RUFY1: variants seen among roughly 807,000 people sequenced by gnomAD.
The protein encoded by RUFY1 is RUN and FYVE domain containing 1.
RUFY1 carries 54 observed loss-of-function variants against 94.6 expected under a neutral mutation model. The ratio of observed to expected loss-of-function variants is 0.57; its 90% CI spans 0.46 to 0.72. RUFY1 has a LOEUF of 0.72. Among genes scored for constraint, RUFY1 ranks in the 30% least tolerant of loss-of-function variants. The probability of loss-of-function intolerance (pLI) is 0.00; values close to 1 mark genes in which losing one functional copy is unlikely to be tolerated. For synonymous variants in RUFY1, 396 were observed against 347.3 expected (o/e 1.14, Z -1.56); for missense variants, 883 against 883.9 (o/e 1.00, Z 0.01).
chr5:179,589,788 G>A (rs746127001), intron 9 of RUFY1, 141 bp downstream of exon 9: 16 of 694,858 alleles, frequency 2.3e-5, no homozygotes, highest in African/African-American at 3.6e-5. Context: ...CTCTCACTGC[G>A]GTCCCTGCCC....
chr5:179,594,300 G>A (rs1277348170), intron 11 of RUFY1, among the ~76,000 whole-genome samples: 5 of 142,516 alleles, frequency 3.5e-5, no homozygotes, highest in East Asian at 2.0e-4. Flanking sequence ...ACTCCAACTC[G>A]GGGGAAAAAA....
At chr5:179,596,324 G>A (rs1320257347) in intron 12 of RUFY1, 6 of 600,264 alleles carry the variant, frequency 1.0e-5, no homozygotes, top group Non-Finnish European at 1.8e-5. Flanking sequence ...TTCTCAAAAA[G>A]CCAAAGCCAT....
chr5:179,601,053 T>A (rs973594339), intron 14 of RUFY1, among the ~76,000 whole-genome samples: 2 of 152,114 alleles, frequency 1.3e-5, no homozygotes, highest in Non-Finnish European at 2.9e-5. Flanking sequence ...CATGTCTCTG[T>A]CCCCAGCTGC....
At chr5:179,566,962 G>A (rs964603206) in intron 3 of RUFY1, among the ~76,000 whole-genome samples, 4 of 152,068 alleles carry the variant, frequency 2.6e-5, no homozygotes, top group South Asian at 2.1e-4. Context: ...GCTGAGCCAT[G>A]AGAATCGCTT....
intron 1 of RUFY1, among the ~76,000 whole-genome samples, chr5:179,555,142 C>T (rs1762046528): frequency 6.6e-6 from 1 of 152,044 alleles, no homozygotes; most frequent in African/African-American, 2.4e-5. Context: ...TAGAGTAATG[C>T]TTCCTAAAGG....
At chr5:179,605,964 G>A (rs762931834) in intron 16 of RUFY1, 40 bp downstream of exon 16, 1 of 1,362,668 alleles carries the variant, frequency 7.3e-7, no homozygotes, top group East Asian at 2.3e-5. Context: ...CTGTCAGCTT[G>A]TGCTGACTGC....
At chr5:179,557,898 G>A (rs1762186566) in intron 1 of RUFY1, among the ~76,000 whole-genome samples, 1 of 152,108 alleles carries the variant, frequency 6.6e-6, no homozygotes, top group Non-Finnish European at 1.5e-5. Context: ...TCCATTTGGT[G>A]TATGGAACCT....
chr5:179,558,838 TAA>T (rs1762239619), intron 1 of RUFY1, among the ~76,000 whole-genome samples: 1 of 152,194 alleles, frequency 6.6e-6, no homozygotes. Flanking sequence ...ATAGTACGTA[TAA>T]ATATGCTCTT....
chr5:179,590,143 G>A (rs1764935032), intron 9 of RUFY1, among the ~76,000 whole-genome samples: 2 of 152,096 alleles, frequency 1.3e-5, no homozygotes, highest in Non-Finnish European at 2.9e-5. Flanking sequence ...CACGAGGCCA[G>A]GAGATCGAGA....
chr5:179,583,789 GC>G (rs1418701851), intron 7 of RUFY1, among the ~76,000 whole-genome samples: 1 of 149,614 alleles, frequency 6.7e-6, no homozygotes, highest in Admixed American at 6.7e-5. Context: ...CTGCTCTGTC[GC>G]CCAGGCTGGA....
At chr5:179,553,646 C>A (rs1312330453) in intron 1 of RUFY1, among the ~76,000 whole-genome samples, 1 of 151,852 alleles carries the variant, frequency 6.6e-6, no homozygotes, top group South Asian at 2.1e-4. Flanking sequence ...AAAAATTAGC[C>A]GGGCTTGGTG....
chr5:179,577,153 A>G lies in RUFY1; in HGVS notation c.890+17A>G, dbSNP rs1323646416. The G allele has an allele frequency of 9.4e-6, 4 of 423,896 alleles. No homozygotes were observed. The highest frequency in any genetic ancestry group is 1.7e-5 in the Non-Finnish European group (4 of 236,284). 26.3% of individuals were successfully genotyped at this position (423,896 alleles called of 1,614,324 possible). ...TGGCAAGGAGTAAGTACTGCGTTGTATGTCACTTTTTTTTTTTTTTTTTTT... is the reference window on the plus strand; with the variant it reads ...TGGCAAGGAGTAAGTACTGCGTTGTGTGTCACTTTTTTTTTTTTTTTTTTT... On this transcript the variant is annotated intron_variant, in intron 6 of 17. Transcript: ENST00000319449.
chr5:179,566,034 G>A (rs1222727366), intron 3 of RUFY1, among the ~76,000 whole-genome samples: 1 of 151,838 alleles, frequency 6.6e-6, no homozygotes, highest in Non-Finnish European at 1.5e-5. Flanking sequence ...CAGCTACTCC[G>A]GAGGCTTAAC....
At position 179,598,880 on chromosome 5, in the gene RUFY1, TGCTCCGGGCAG is replaced by T. The variant is rs150488000; in HGVS notation, c.1761+65_1761+75del. On this transcript the variant is annotated intron_variant, in intron 14 of 17. Transcript: ENST00000319449. ...TGGCAGCCTCCAGAAACCCCTAACATGCTCCGGGCAGGCTCCTCTCCCCGCACCCTTTGTGT... is the reference window on the plus strand; with the variant it reads ...TGGCAGCCTCCAGAAACCCCTAACATGCTCCTCTCCCCGCACCCTTTGTGT... 3,642 of 1,599,428 alleles carry T rather than the reference TGCTCCGGGCAG, an allele frequency of 2.3e-3. 69 individuals are homozygous for T. In the African/African-American group the frequency reaches 0.042, roughly 19 times the overall value.
chr5:179,553,656 G>A (rs1761968428), intron 1 of RUFY1, among the ~76,000 whole-genome samples: 1 of 152,066 alleles, frequency 6.6e-6, no homozygotes, highest in African/African-American at 2.4e-5. Context: ...CGGGCTTGGT[G>A]GTACGCACCT....
chr5:179,583,713 G>A (rs1258289194), intron 7 of RUFY1, among the ~76,000 whole-genome samples: 3 of 147,894 alleles, frequency 2.0e-5, no homozygotes, highest in Admixed American at 6.8e-5. Flanking sequence ...CACTGTGCCC[G>A]GCCAGTCATT....
rs1378854064 is a variant in RUFY1 at position 179,594,755 on chromosome 5, T to C, written c.1414-111T>C. ...TAGCCTGGGTGACAGAGCAAGACTC[T>C]GTCTCAAAAAAAAAAAAAAAAAAAA... On this transcript the variant is annotated intron_variant, in intron 11 of 17. Coordinates refer to ENST00000319449, the MANE Select transcript of RUFY1 (RefSeq NM_025158.5). The C allele has an allele frequency of 4.4e-4, 223 of 512,240 alleles. 1 individual carries two copies. The highest frequency in any genetic ancestry group is 6.1e-4 in the Non-Finnish European group (195 of 317,214). 31.7% of individuals were successfully genotyped at this position (512,240 alleles called of 1,614,324 possible). A position where few individuals can be genotyped will look rare whatever the true frequency, so the allele number is the denominator to read the frequency against.
Position 179,569,256 on chromosome 5 carries a change from G to A in RUFY1, c.705-46G>A, listed in dbSNP as rs1051194037. 3.7e-6 allele frequency: 6 copies of A among 1,612,694 alleles called. No homozygotes were observed. In the African/African-American group the frequency reaches 6.7e-5, roughly 18 times the overall value. On this transcript the variant is annotated intron_variant, in intron 4 of 17. Transcript: ENST00000319449. ...TCAGGGTGGGGAAGGAGTGGGGATG[G>A]TGAAGCTGTTTCTGAGCATCGCCCT...
At chr5:179,603,349 G>T (rs1334492331) in intron 15 of RUFY1, among the ~76,000 whole-genome samples, 6 of 151,622 alleles carry the variant, frequency 4.0e-5, no homozygotes, top group Non-Finnish European at 8.8e-5. Context: ...GCAGGTGCTG[G>T]CCACTCGCCG....
Sources: gnomAD v4.1 joint callset for allele counts (sites outside exome capture counted in the v4.1 genomes callset) on GRCh38, gnomAD v4.1.1 for gene constraint, MANE v1.5 for transcripts, NCBI Gene and HGNC (gene_info 2026-07-23, HGNC 2026-07-21) for gene names.